FNDC3B: variants seen among roughly 807,000 people sequenced by gnomAD.
FNDC3B encodes the protein fibronectin type III domain containing 3B.
Under a neutral mutation model 151.5 loss-of-function variants are expected in FNDC3B, and 12 were observed. The observed-to-expected ratio is 0.08, with a 90% CI of 0.05 to 0.13. The LOEUF is 0.13. Among genes scored for constraint, FNDC3B ranks in the 10% least tolerant of loss-of-function variants. The pLI is 1.00. For missense variants in FNDC3B, 1,214 were observed against 1,505.3 expected (o/e 0.81, Z 3.20); for synonymous variants, 528 against 549.0 (o/e 0.96, Z 0.54).
chr3:172,364,115 T>C (rs1288792788), intron 23 of FNDC3B, among the ~76,000 whole-genome samples: 1 of 152,202 alleles, frequency 6.6e-6, no homozygotes, highest in Non-Finnish European at 1.5e-5. Context: ...TCATGAAAGA[T>C]TAAATTCATA....
intron 4 of FNDC3B, among the ~76,000 whole-genome samples, chr3:172,236,503 T>C (rs6808730): frequency 0.029 from 4,407 of 152,264 alleles, 230 homozygotes; most frequent in African/African-American, 0.099. Context: ...ATTGTAGGAG[T>C]TGCTGTTGTC....
chr3:172,094,391 G>C (rs935092936), intron 1 of FNDC3B, among the ~76,000 whole-genome samples: 2 of 152,194 alleles, frequency 1.3e-5, no homozygotes, highest in African/African-American at 4.8e-5. Flanking sequence ...TTCATATAAA[G>C]GGAATCGTAC....
At chr3:172,297,742 C>G (rs4894541) in intron 8 of FNDC3B, among the ~76,000 whole-genome samples, 86,225 of 151,952 alleles carry the variant, frequency 0.57, 26,651 homozygotes, top group African/African-American at 0.82. Context: ...CCAAAGTGCT[C>G]GGATAACAGG....
intron 25 of FNDC3B, among the ~76,000 whole-genome samples, chr3:172,393,057 C>A (rs1373616273): frequency 6.6e-6 from 1 of 151,962 alleles, no homozygotes; most frequent in African/African-American, 2.4e-5. Context: ...CCCATCTCAG[C>A]CTCCCAAAGT....
intron 3 of FNDC3B, among the ~76,000 whole-genome samples, chr3:172,159,742 G>A (rs1722674141): frequency 6.6e-6 from 1 of 152,148 alleles, no homozygotes; most frequent in Non-Finnish European, 1.5e-5. Flanking sequence ...GATCAAAAAA[G>A]CCATATGAGC....
At chr3:172,389,818 A>G (rs1326103754) in intron 25 of FNDC3B, among the ~76,000 whole-genome samples, 1 of 152,208 alleles carries the variant, frequency 6.6e-6, no homozygotes, top group East Asian at 1.9e-4. Flanking sequence ...GTGAGCCAAG[A>G]TCAAGCCACT....
chr3:172,325,348 A>C (rs922748227), intron 11 of FNDC3B, among the ~76,000 whole-genome samples: 2 of 152,232 alleles, frequency 1.3e-5, no homozygotes, highest in African/African-American at 4.8e-5. Context: ...GCCACACAGC[A>C]TATAAAATAT....
chr3:172,343,455 T>C (rs955152935), intron 18 of FNDC3B, among the ~76,000 whole-genome samples: 1 of 152,220 alleles, frequency 6.6e-6, no homozygotes, highest in Non-Finnish European at 1.5e-5. Flanking sequence ...GAAAAAAATT[T>C]TGTGCTCCAT....
At chr3:172,113,493 A>G (rs1210688856) in intron 2 of FNDC3B, among the ~76,000 whole-genome samples, 1 of 152,174 alleles carries the variant, frequency 6.6e-6, no homozygotes, top group Non-Finnish European at 1.5e-5. Context: ...CTGCTTAATA[A>G]TTTATATTAT....
rs143951550 is a variant in FNDC3B, at chr3:172,328,212, T to TA, written c.1255-739dup. Among the ~76,000 whole-genome samples the TA allele has an allele frequency of 3.8e-3, 578 of 152,300 alleles. 2 individuals are homozygous for TA. Among genetic ancestry groups the TA allele is most frequent in the African/African-American group, 0.014 (562 of 41,572 alleles). On this transcript the variant is annotated intron_variant, in intron 11 of 25. Transcript: ENST00000415807. The stretch of plus-strand genomic sequence containing the variant: ...TACATTTCTAGCCTGACAAGAAACT[T>TA]AGAGTGACTGTAATATACATAGATT...
At chr3:172,061,123 C>G (rs757041158) in intron 1 of FNDC3B, among the ~76,000 whole-genome samples, 55 of 152,284 alleles carry the variant, frequency 3.6e-4, no homozygotes, top group Admixed American at 2.2e-3. Context: ...GCTCTTCCTT[C>G]CCTGATATTT....
chr3:172,252,615 A>G (rs1224268410), intron 6 of FNDC3B, among the ~76,000 whole-genome samples: 3 of 152,010 alleles, frequency 2.0e-5, no homozygotes, highest in Admixed American at 2.0e-4. Flanking sequence ...GTGTCTATGG[A>G]AGAGCTTCTG....
intron 22 of FNDC3B, among the ~76,000 whole-genome samples, chr3:172,360,192 C>A (rs1734295688): frequency 6.6e-6 from 1 of 152,138 alleles, no homozygotes; most frequent in African/African-American, 2.4e-5. Context: ...ATTTAGTTTG[C>A]ATTTTTCTAA....
At chr3:172,361,387 G>C (rs564682826) in intron 22 of FNDC3B, among the ~76,000 whole-genome samples, 1 of 152,246 alleles carries the variant, frequency 6.6e-6, no homozygotes, top group South Asian at 2.1e-4. Flanking sequence ...GTTAGAAGCA[G>C]CCAGGTCACC....
intron 1 of FNDC3B, among the ~76,000 whole-genome samples, chr3:172,046,498 A>G (rs1217447953): frequency 3.4e-5 from 5 of 148,294 alleles, no homozygotes; most frequent in Admixed American, 2.7e-4. Flanking sequence ...TTTTTTTTTT[A>G]TTTTTATAGA....
At chr3:172,113,357 A>G (rs887156676) in intron 2 of FNDC3B, among the ~76,000 whole-genome samples, 1 of 152,220 alleles carries the variant, frequency 6.6e-6, no homozygotes, top group Non-Finnish European at 1.5e-5. Context: ...TATACTAATA[A>G]TTCAAATAAG....
intron 3 of FNDC3B, among the ~76,000 whole-genome samples, chr3:172,171,618 T>G (rs66653489): frequency 7.9e-6 from 1 of 126,630 alleles, no homozygotes; most frequent in Non-Finnish European, 1.7e-5. Context: ...TTTTTTTTTT[T>G]GGAAAGTGCA....
intron 3 of FNDC3B, chr3:172,134,475 A>C: frequency 2.1e-6 from 1 of 478,366 alleles, no homozygotes; most frequent in Non-Finnish European, 4.2e-6. Context: ...ACTGGAATCT[A>C]ATCTGAGGCT....
At chr3:172,281,257 A>ATTTATTTATTTG (rs754348996) in intron 6 of FNDC3B, among the ~76,000 whole-genome samples, 5 of 132,680 alleles carry the variant, frequency 3.8e-5, no homozygotes, top group Admixed American at 7.4e-5. Context: ...TTATTTATTT[A>ATTTATTTATTTG]TATTTTGAGA....
Sources: gnomAD v4.1 joint callset for allele counts (sites outside exome capture counted in the v4.1 genomes callset) on GRCh38, gnomAD v4.1.1 for gene constraint, MANE v1.5 for transcripts, NCBI Gene and HGNC (gene_info 2026-07-23, HGNC 2026-07-21) for gene names.